ITGB8: variants seen among roughly 807,000 people sequenced by gnomAD.
The protein encoded by ITGB8 is integrin beta-8.
A neutral mutation model predicts 89.5 loss-of-function variants in ITGB8; 30 were observed. That is an observed-to-expected ratio of 0.34 (90% confidence interval 0.25 to 0.45). ITGB8 has a LOEUF of 0.45. Among genes scored for constraint, ITGB8 ranks in the 20% least tolerant of loss-of-function variants. The pLI, the probability that ITGB8 is intolerant of heterozygous loss-of-function variation, is 1.00. For synonymous variants in ITGB8, 335 were observed against 320.4 expected, an observed-to-expected ratio of 1.05 and a Z score of -0.49; for missense variants, 836 against 933.3, an observed-to-expected ratio of 0.90 and a Z score of 1.36.
intron 7 of ITGB8, among the ~76,000 whole-genome samples, chr7:20,391,785 G>A (rs1396728956): frequency 6.6e-6 from 1 of 152,188 alleles, no homozygotes; most frequent in Non-Finnish European, 1.5e-5. Context: ...GACAATGGTG[G>A]AGAAGACTTA....
At chr7:20,408,530 A>G (rs1256286938) in intron 12 of ITGB8, among the ~76,000 whole-genome samples, 1 of 152,184 alleles carries the variant, frequency 6.6e-6, no homozygotes, top group Non-Finnish European at 1.5e-5. Context: ...GCGGTCCACT[A>G]TGCTAAGCCT....
chr7:20,390,714 A>G (rs1268000102), intron 6 of ITGB8, among the ~76,000 whole-genome samples: 1 of 152,104 alleles, frequency 6.6e-6, no homozygotes, highest in Non-Finnish European at 1.5e-5. Flanking sequence ...ATGCAAGAAA[A>G]TGCACTAAAT....
chr7:20,338,642 A>C (rs1784652617), intron 1 of ITGB8, among the ~76,000 whole-genome samples: 1 of 152,182 alleles, frequency 6.6e-6, no homozygotes, highest in Admixed American at 6.5e-5. Flanking sequence ...ATAGATAAAT[A>C]AATAATAAAC....
rs1343189795 is a variant in ITGB8 at position 20,412,900 on chromosome 7, G to C, written c.*2903G>C. The C allele has an allele frequency of 2.0e-5, 3 of 152,560 alleles. No individual in the cohort carries two copies. The highest frequency in any genetic ancestry group is 7.2e-5 in the African/African-American group (3 of 41,444). 9.5% of individuals were successfully genotyped at this position (152,560 alleles called of 1,614,324 possible). A position where few individuals can be genotyped will look rare whatever the true frequency, so the allele number is the denominator to read the frequency against. On this transcript the variant is annotated 3_prime_UTR_variant, in exon 14 of 14. Transcript: ENST00000222573. ...ACTAATATGGCCACAGGAGCCTTTT[G>C]AGATTCATTGATATTAAACACAATT... is the stretch of plus-strand genomic sequence containing the variant.
At chr7:20,373,730 C>T (rs1786025505) in intron 3 of ITGB8, among the ~76,000 whole-genome samples, 1 of 152,154 alleles carries the variant, frequency 6.6e-6, no homozygotes, top group Admixed American at 6.5e-5. Context: ...TTCTCCTTCC[C>T]CTGCTGAAGT....
At chr7:20,341,794 G>C (rs1310415596) in intron 1 of ITGB8, among the ~76,000 whole-genome samples, 1 of 151,908 alleles carries the variant, frequency 6.6e-6, no homozygotes, top group African/African-American at 2.4e-5. Context: ...TCTGGTTATA[G>C]ACTTGTCTGG....
intron 1 of ITGB8, among the ~76,000 whole-genome samples, chr7:20,336,154 C>G (rs111774328): frequency 6.6e-6 from 1 of 151,870 alleles, no homozygotes; most frequent in African/African-American, 2.4e-5. Context: ...TACAGGCACC[C>G]GCCACCACGC....
At position 20,363,675 on chromosome 7, in the gene ITGB8, G is replaced by C. The variant is rs1043290725; in HGVS notation, c.166G>C (p.Ala56Pro). 1.9e-6 allele frequency: 3 copies of C among 1,605,444 alleles called. No homozygotes were observed. Among genetic ancestry groups the C allele is most frequent in the Non-Finnish European group, 2.5e-6 (3 of 1,177,436 alleles). Residue 56 changes from alanine (A) to proline (P), a missense_variant, in exon 2 of 14, where the codon GCC becomes CCC. Around this residue, in one of 5 missense-constraint regions of ITGB8, gnomAD observed 182 missense variants for 177.0 expected, o/e 1.03. Transcript: ENST00000222573. ...TGCATCTTCAAATGCAGCATCCTGTGCCAGGTGCCTTGCGCTGGGTCCAGA... is the reference window on the plus strand; with the variant it reads ...TGCATCTTCAAATGCAGCATCCTGTCCCAGGTGCCTTGCGCTGGGTCCAGA... Reference protein sequence around the residue: ...RCASSNAASCARCLALGPECG... With the variant: ...RCASSNAASCPRCLALGPECG...
chr7:20,415,643 CAG>C lies in ITGB8; in HGVS notation c.*5649_*5650del, dbSNP rs1379475802. On this transcript the variant is annotated 3_prime_UTR_variant, in exon 14 of 14. Transcript: ENST00000222573. ...TGTGGTGAGATGTTTATTTTTCTAA[CAG>C]AGCTTATAACAGTTAGGACAAGGCA... 6.6e-6 allele frequency: 1 copy of C among 152,516 alleles called. No individual in the cohort carries two copies. The highest frequency in any genetic ancestry group is 2.4e-5 in the African/African-American group (1 of 41,430). The allele number at this position is 152,516 out of a possible 1,614,324, so 9.4% of individuals were successfully genotyped here. A position where few individuals can be genotyped will look rare whatever the true frequency, so the allele number is the denominator to read the frequency against.
chr7:20,350,290 G>C (rs1477989035), intron 1 of ITGB8, among the ~76,000 whole-genome samples: 1 of 152,108 alleles, frequency 6.6e-6, no homozygotes, highest in Non-Finnish European at 1.5e-5. Flanking sequence ...TGAGATTACA[G>C]GTGCCCGCCA....
At chr7:20,347,077 C>T (rs547829678) in intron 1 of ITGB8, among the ~76,000 whole-genome samples, 1 of 152,316 alleles carries the variant, frequency 6.6e-6, no homozygotes, top group Non-Finnish European at 1.5e-5. Flanking sequence ...TATGAAGACA[C>T]AGCAAGAAGG....
chr7:20,415,288 A>C lies in ITGB8; in HGVS notation c.*5291A>C, dbSNP rs951009756. On this transcript the variant is annotated 3_prime_UTR_variant, in exon 14 of 14. Coordinates refer to ENST00000222573, the MANE Select transcript of ITGB8 (RefSeq NM_002214.3). The stretch of plus-strand genomic sequence containing the variant: ...ATGGTTTCTTGAACTTCTGAAAAAA[A>C]TTAGAAATGTATTAAACTTATCAGT... 1.3e-5 allele frequency: 2 copies of C among 151,960 alleles called. No individual in the cohort carries two copies. The highest frequency in any genetic ancestry group is 3.8e-4 in the East Asian group (2 of 5,202). The allele number at this position is 151,960 out of a possible 1,614,324, so 9.4% of individuals were successfully genotyped here.
At position 20,395,010 on chromosome 7, in the gene ITGB8, T is replaced by C. The variant is rs753047403; in HGVS notation, c.1146+25T>C. On this transcript the variant is annotated intron_variant, in intron 8 of 13. Coordinates refer to ENST00000222573, the MANE Select transcript of ITGB8 (RefSeq NM_002214.3). Reference sequence around the variant, plus strand: ...GGTATGTATATATTAGATACAATTTTTTAAATAAAATTTTTACCTCAATTT... The same window carrying C: ...GGTATGTATATATTAGATACAATTTCTTAAATAAAATTTTTACCTCAATTT... The C allele has an allele frequency of 3.5e-6, 5 of 1,428,716 alleles. No individual in the cohort carries two copies. The Admixed American group carries it at 8.5e-5, about 24-fold the overall frequency. 88.5% of individuals were successfully genotyped at this position (1,428,716 alleles called of 1,614,324 possible). A position where few individuals can be genotyped will look rare whatever the true frequency, so the allele number is the denominator to read the frequency against.
intron 6 of ITGB8, among the ~76,000 whole-genome samples, chr7:20,388,959 G>C (rs377480889): frequency 6.6e-6 from 1 of 152,188 alleles, no homozygotes; most frequent in Non-Finnish European, 1.5e-5. Flanking sequence ...CCCTGCAAAG[G>C]ACATGAACTC....
At chr7:20,392,098 G>A (rs917172693) in intron 7 of ITGB8, among the ~76,000 whole-genome samples, 1 of 152,042 alleles carries the variant, frequency 6.6e-6, no homozygotes, top group African/African-American at 2.4e-5. Context: ...CACACTGGAG[G>A]TGCCATGGAC....
intron 2 of ITGB8, chr7:20,364,858 T>C (rs975384968): frequency 2.6e-5 from 4 of 152,258 alleles, no homozygotes; most frequent in Non-Finnish European, 5.9e-5. Context: ...GAATGTTTCA[T>C]GGCTTGTTAT....
chr7:20,374,497 A>C (rs992213471), intron 3 of ITGB8, among the ~76,000 whole-genome samples: 19 of 151,846 alleles, frequency 1.3e-4, no homozygotes, highest in African/African-American at 4.6e-4. Context: ...TAAAAAAAAA[A>C]AAAAAGATAA....
chr7:20,390,089 A>G (rs1786793101), intron 6 of ITGB8, among the ~76,000 whole-genome samples: 1 of 152,156 alleles, frequency 6.6e-6, no homozygotes, highest in Non-Finnish European at 1.5e-5. Context: ...CCTTTTACCA[A>G]GTTCACATAG....
chr7:20,407,343 G>A (rs1787586831), intron 12 of ITGB8, among the ~76,000 whole-genome samples: 1 of 148,512 alleles, frequency 6.7e-6, no homozygotes, highest in African/African-American at 2.5e-5. Context: ...TAATAAAGCT[G>A]TTTAAAAAAA....
Sources: gnomAD v4.1 joint callset for allele counts (sites outside exome capture counted in the v4.1 genomes callset) on GRCh38, gnomAD v4.1.1 for gene constraint, gnomAD v4.1.1 regional missense constraint, MANE v1.5 for transcripts, NCBI Gene and HGNC (gene_info 2026-07-23, HGNC 2026-07-21) for gene names.